The following FAM20B variants were observed in gnomAD, a reference collection of about 807,000 sequenced individuals.
FAM20B encodes the protein glycosaminoglycan xylosylkinase.
FAM20B carries 23 observed loss-of-function variants against 43.8 expected under a neutral mutation model. The observed-to-expected ratio is 0.53, with a 90% CI of 0.38 to 0.74. The LOEUF (loss-of-function observed/expected upper bound fraction) is 0.74. Ranked by LOEUF, FAM20B falls within the 30% of genes least tolerant of loss-of-function variation. The pLI is 0.00. For synonymous variants in FAM20B, 178 were observed against 192.4 expected (o/e 0.93, Z 0.62); for missense variants, 440 against 510.5 (o/e 0.86, Z 1.33).
intron 4 of FAM20B, among the ~76,000 whole-genome samples, chr1:179,055,288 G>A (rs1048577657): frequency 6.6e-5 from 10 of 152,198 alleles, no homozygotes; most frequent in African/African-American, 1.9e-4. Context: ...ATTCAAAAGT[G>A]CGGTGGTTTC....
chr1:179,045,370 G>A (rs1007717619), intron 2 of FAM20B, among the ~76,000 whole-genome samples: 1 of 152,108 alleles, frequency 6.6e-6, no homozygotes, highest in African/African-American at 2.4e-5. Context: ...TAGAGCTTTT[G>A]AAAAAATTAT....
chr1:179,024,623 T>C (rs1369316617), upstream of FAM20B, among the ~76,000 whole-genome samples: 3 of 152,212 alleles, frequency 2.0e-5, no homozygotes, highest in Non-Finnish European at 4.4e-5. Context: ...AAAAAGCTAA[T>C]ACAATGCCTT....
chr1:179,035,902 G>A (rs758896300), intron 1 of FAM20B, among the ~76,000 whole-genome samples: 1 of 152,110 alleles, frequency 6.6e-6, no homozygotes, highest in African/African-American at 2.4e-5. Context: ...GGCTGAGGTG[G>A]GCAGATCACT....
At position 179,058,647 on chromosome 1, in the gene FAM20B, T is replaced by A. The variant is rs191495140; in HGVS notation, c.574+4009T>A. Among the ~76,000 whole-genome samples, 29 of 152,150 alleles carry A rather than the reference T, an allele frequency of 1.9e-4. No individual in the cohort carries two copies. In the East Asian group the frequency reaches 2.3e-3, roughly 12 times the overall value. ...AGGCACTAGAAAGCCATTAAAAGAG[T>A]TTGAATATGGAAAAATCAGATTTGA... On this transcript the variant is annotated intron_variant, in intron 4 of 7. Transcript: ENST00000263733.
At chr1:179,041,718 CG>C (rs1650558542) in intron 1 of FAM20B, among the ~76,000 whole-genome samples, 1 of 127,106 alleles carries the variant, frequency 7.9e-6, no homozygotes, top group African/African-American at 3.8e-5. Flanking sequence ...AGACAGGAGA[CG>C]GGAGACGGGC....
intron 7 of FAM20B, among the ~76,000 whole-genome samples, chr1:179,071,268 C>T (rs1040504835): frequency 1.3e-5 from 2 of 151,942 alleles, no homozygotes; most frequent in African/African-American, 4.8e-5. Flanking sequence ...TGCACTCCAG[C>T]CTGGGCGACA....
chr1:179,075,276 C>T lies in FAM20B; in HGVS notation c.*3132C>T, dbSNP rs1291062945. 1 of 151,854 alleles carries T rather than the reference C, an allele frequency of 6.6e-6. No homozygotes were observed. Among genetic ancestry groups the T allele is most frequent in the African/African-American group, 2.4e-5 (1 of 41,296 alleles). The allele number at this position is 151,854 out of a possible 1,614,324, so 9.4% of individuals were successfully genotyped here. A position where few individuals can be genotyped will look rare whatever the true frequency, so the allele number is the denominator to read the frequency against. ...TATTAGAATCTAAGGCTGTTACAAT[C>T]AAGTCGTTGCAGGGTTTGGATCAGC... is the stretch of plus-strand genomic sequence containing the variant. On this transcript the variant is annotated 3_prime_UTR_variant, in exon 8 of 8. Transcript: ENST00000263733.
chr1:179,029,522 G>C (rs572248951), intron 1 of FAM20B, among the ~76,000 whole-genome samples: 1 of 152,210 alleles, frequency 6.6e-6, no homozygotes, highest in South Asian at 2.1e-4. Context: ...AGATGGGTGC[G>C]TCTGTCATCC....
chr1:179,046,777 C>T (rs1214999973), intron 2 of FAM20B, among the ~76,000 whole-genome samples: 1 of 151,856 alleles, frequency 6.6e-6, no homozygotes, highest in African/African-American at 2.4e-5. Flanking sequence ...CCGAGGCGGG[C>T]GGATCACCTG....
At chr1:179,058,366 T>C (rs1651313865) in intron 4 of FAM20B, among the ~76,000 whole-genome samples, 1 of 152,186 alleles carries the variant, frequency 6.6e-6, no homozygotes, top group South Asian at 2.1e-4. Context: ...TAATTTTTAG[T>C]AGAGGTTAGT....
chr1:179,072,020 A>G lies in FAM20B; in HGVS notation c.1106A>G (p.Asp369Gly), dbSNP rs1482376298. Reference protein sequence around the residue: ...AHDPISPVLSDPHLDAVDQRL... With the variant: ...AHDPISPVLSGPHLDAVDQRL... ...GACCCCATCTCCCCAGTGCTCTCTGATCCTCATCTGGACGCCGTGGACCAG... is the reference window on the plus strand; with the variant it reads ...GACCCCATCTCCCCAGTGCTCTCTGGTCCTCATCTGGACGCCGTGGACCAG... The change falls in exon 8 of 8, where the codon GAT (aspartate) becomes GGT (glycine). Residue 369 changes from aspartate (D) to glycine (G), a missense_variant. Transcript: ENST00000263733. 1 of 1,614,062 alleles carries G rather than the reference A, an allele frequency of 6.2e-7. No individual in the cohort carries two copies. Among genetic ancestry groups the G allele is most frequent in the Non-Finnish European group, 8.5e-7 (1 of 1,180,036 alleles).
chr1:179,042,375 G>GT (rs1237376078), intron 1 of FAM20B, among the ~76,000 whole-genome samples: 1 of 152,226 alleles, frequency 6.6e-6, no homozygotes, highest in Non-Finnish European at 1.5e-5. Context: ...CTGGACCAGA[G>GT]TATCACATGC....
intron 3 of FAM20B, among the ~76,000 whole-genome samples, chr1:179,053,309 G>A (rs537693402): frequency 4.7e-4 from 72 of 152,164 alleles, no homozygotes; most frequent in African/African-American, 1.4e-3. Context: ...TCTAGGCTGC[G>A]TTTGTAGTCC....
At chr1:179,056,957 T>C (rs1265331496) in intron 4 of FAM20B, among the ~76,000 whole-genome samples, 1 of 152,224 alleles carries the variant, frequency 6.6e-6, no homozygotes, top group Non-Finnish European at 1.5e-5. Flanking sequence ...CTTTGGCTCA[T>C]ATTTAAGTTA....
chr1:179,062,194 T>A (rs1224588399), intron 4 of FAM20B, among the ~76,000 whole-genome samples: 1 of 152,170 alleles, frequency 6.6e-6, no homozygotes, highest in Non-Finnish European at 1.5e-5. Context: ...GGTACTAAAA[T>A]GGTATTTAGG....
chr1:179,040,958 G>C (rs1313333110), intron 1 of FAM20B, among the ~76,000 whole-genome samples: 1 of 144,968 alleles, frequency 6.9e-6, no homozygotes, highest in Non-Finnish European at 1.5e-5. Context: ...GGGCAGAGGC[G>C]CTCCTCACAT....
intron 1 of FAM20B, among the ~76,000 whole-genome samples, chr1:179,034,384 TTCTC>T (rs138317999): frequency 3.9e-4 from 59 of 151,124 alleles, no homozygotes; most frequent in East Asian, 2.9e-3. Flanking sequence ...CTCCACCTCT[TTCTC>T]TCTCTCTCTC....
At position 179,032,623 on chromosome 1, in the gene FAM20B, A is replaced by T. The variant is rs766482023; in HGVS notation, c.-134+6525A>T. ...TTAACCCCTCTGCTACAGAAAGCTT[A>T]TATTTAAAATAAGAAGGTGAATTAA... On this transcript the variant is annotated intron_variant, in intron 1 of 7. Transcript: ENST00000263733. Among the ~76,000 whole-genome samples the T allele has an allele frequency of 2.0e-4, 31 of 152,322 alleles. No homozygotes were observed. In the East Asian group the frequency reaches 6.0e-3, roughly 29 times the overall value.
upstream of FAM20B, among the ~76,000 whole-genome samples, chr1:179,024,462 G>C (rs553897976): frequency 2.0e-5 from 3 of 152,234 alleles, no homozygotes; most frequent in Non-Finnish European, 4.4e-5. Flanking sequence ...GCAAGGTTCA[G>C]GGAGATTAGC....
Sources: gnomAD v4.1 joint callset for allele counts (sites outside exome capture counted in the v4.1 genomes callset) on GRCh38, gnomAD v4.1.1 for gene constraint, MANE v1.5 for transcripts, NCBI Gene and HGNC (gene_info 2026-07-23, HGNC 2026-07-21) for gene names.